Variants in DERPC observed in about 807,000 individuals in gnomAD.
DERPC encodes DERPC proline and glycine rich nuclear protein.
In DERPC, 1 loss-of-function variant was observed where a neutral mutation model predicts 7.2. The ratio of observed to expected loss-of-function variants is 0.14; its 90% confidence interval spans 0.05 to 0.66. The LOEUF (loss-of-function observed/expected upper bound fraction) is 0.66, where lower values mean the gene tolerates loss of function less well. Among genes scored for constraint, DERPC ranks in the 30% least tolerant of loss-of-function variants. The pLI is 0.84. For synonymous variants in DERPC, 185 were observed against 117.6 expected (o/e 1.57, Z -3.71); for missense variants, 502 against 299.4 (o/e 1.68, Z -4.99).
chr16:69,120,740 T>A lies in DERPC; in HGVS notation c.-221-91A>T. ...TAAAGCTGCTCTTGGCAGGCTATGC[T>A]GGCACCTCCAATCCCTGGTCTGGCT... On this transcript the variant is annotated intron_variant, in intron 2 of 2. Coordinates refer to ENST00000519520, the MANE Select transcript of DERPC (RefSeq NM_001002847.4). This position sits in a 1 kb window ranked among gnomAD's most constrained non-coding sequence, Gnocchi z 4.0. 2 of 1,108,754 alleles carry A rather than the reference T, an allele frequency of 1.8e-6. 1 individual carries two copies. The highest frequency in any genetic ancestry group is 2.9e-5 in the South Asian group (2 of 69,494). 68.7% of individuals were successfully genotyped at this position (1,108,754 alleles called of 1,614,324 possible).
chr16:69,132,253 C>A (rs1217346817), intron 1 of DERPC: 2 of 145,558 alleles, frequency 1.4e-5, no homozygotes, highest in African/African-American at 2.6e-5. Context: ...ACCCCGGAGG[C>A]CCCTCCGGGC....
At chr16:69,128,901 G>A (rs1267051311) in intron 1 of DERPC, among the ~76,000 whole-genome samples, 1 of 151,612 alleles carries the variant, frequency 6.6e-6, no homozygotes, top group Non-Finnish European at 1.5e-5. Flanking sequence ...CAGTTTCTAC[G>A]AAAAATACAA....
chr16:69,127,521 C>G (rs1029953238), intron 1 of DERPC, among the ~76,000 whole-genome samples: 8 of 150,840 alleles, frequency 5.3e-5, no homozygotes, highest in African/African-American at 2.0e-4. Flanking sequence ...TCAAGAGCAT[C>G]TGAAGGCACG....
At position 69,132,563 on chromosome 16, in the gene DERPC, C is replaced by T. The variant is rs1380863157; in HGVS notation, c.-359G>A. The T allele has an allele frequency of 2.6e-6, 1 of 384,808 alleles. No individual in the cohort carries two copies. Among genetic ancestry groups the T allele is most frequent in the Admixed American group, 3.3e-5 (1 of 30,286 alleles). 23.8% of individuals were successfully genotyped at this position (384,808 alleles called of 1,614,324 possible). On this transcript the variant is annotated 5_prime_UTR_variant, in exon 1 of 3. Transcript: ENST00000519520. ...CCTCCCGCCGCCGTCGCCGCCGCCG[C>T]GAGCACTGCCTGCGCACTTCCGACT...
chr16:69,119,477 C>A lies in DERPC; in HGVS notation c.952G>T (p.Gly318Cys). 1 of 703,008 alleles carries A rather than the reference C, an allele frequency of 1.4e-6. No homozygotes were observed. The highest frequency in any genetic ancestry group is 2.6e-6 in the Non-Finnish European group (1 of 385,022). The allele number at this position is 703,008 out of a possible 1,614,324, so 43.5% of individuals were successfully genotyped here. Residue 318 changes from glycine (G) to cysteine (C), a missense_variant, in exon 3 of 3, where the codon GGT becomes TGT. Coordinates refer to ENST00000519520, the MANE Select transcript of DERPC (RefSeq NM_001002847.4). ...RVPGPMGPNS[G>C]PSSRGIGLPG... Reference sequence around the variant, plus strand: ...AGGCCAATTCCCCGAGAGCTAGGACCCGAGTTTGGGCCCATGGGGCCAGGT... The same window carrying A: ...AGGCCAATTCCCCGAGAGCTAGGACACGAGTTTGGGCCCATGGGGCCAGGT...
chr16:69,121,096 C>T lies in DERPC; in HGVS notation c.-222+340G>A. ...GTCTCCCAGGAGGTTTCCAGCTAAT[C>T]CAGTGCTGTAGCGAGCCTCGATCTC... On this transcript the variant is annotated intron_variant, in intron 2 of 2. Coordinates refer to ENST00000519520, the MANE Select transcript of DERPC (RefSeq NM_001002847.4). 6.2e-7 allele frequency: 1 copy of T among 1,614,066 alleles called. No homozygotes were observed. Among genetic ancestry groups the T allele is most frequent in the African/African-American group, 1.3e-5 (1 of 75,038 alleles).
chr16:69,118,910 G>A lies in DERPC; in HGVS notation c.1519C>T (p.Pro507Ser). The A allele has an allele frequency of 1.4e-6, 1 of 703,150 alleles. No homozygotes were observed. The allele number at this position is 703,150 out of a possible 1,614,324, so 43.6% of individuals were successfully genotyped here. A position where few individuals can be genotyped will look rare whatever the true frequency, so the allele number is the denominator to read the frequency against. Reference protein sequence around the residue: ...SLPGTNPAAFPRPGGPMAAMY... With the variant: ...SLPGTNPAAFSRPGGPMAAMY... ...GCAGCCATTGGACCCCCTGGTCTGG[G>A]GAAAGCAGCTGGGTTTGTGCCAGGG... The change falls in exon 3 of 3, where the codon CCC becomes TCC. Residue 507 changes from proline to serine, a missense_variant. Transcript: ENST00000519520.
chr16:69,123,782 TTAGA>T (rs1303688079), intron 1 of DERPC, among the ~76,000 whole-genome samples: 1 of 152,044 alleles, frequency 6.6e-6, no homozygotes, highest in Non-Finnish European at 1.5e-5. Flanking sequence ...TGAAAATATC[TTAGA>T]TAATTAGATA....
chr16:69,127,755 G>A (rs986127955), intron 1 of DERPC, among the ~76,000 whole-genome samples: 9 of 148,474 alleles, frequency 6.1e-5, no homozygotes, highest in Admixed American at 2.0e-4. Context: ...GACTACAGGC[G>A]CCCGCCACCA....
chr16:69,118,754 C>T lies in DERPC; in HGVS notation c.*100G>A. ...TTTGAACTTGAGCCCAAGCTATGTT[C>T]TTCAGACTGTAGCTCCACAACTACC... On this transcript the variant is annotated 3_prime_UTR_variant, in exon 3 of 3. Transcript: ENST00000519520. The T allele has an allele frequency of 3.1e-6, 2 of 639,752 alleles. No individual in the cohort carries two copies. Among genetic ancestry groups the T allele is most frequent in the South Asian group, 3.6e-5 (2 of 55,038 alleles). The allele number at this position is 639,752 out of a possible 1,614,324, so 39.6% of individuals were successfully genotyped here. A position where few individuals can be genotyped will look rare whatever the true frequency, so the allele number is the denominator to read the frequency against.
chr16:69,128,548 CA>C (rs1962255545), intron 1 of DERPC, among the ~76,000 whole-genome samples: 1 of 152,108 alleles, frequency 6.6e-6, no homozygotes, highest in African/African-American at 2.4e-5. Context: ...ATGAACTAAA[CA>C]ATACATAAAT....
rs1961403926 is a variant in DERPC at position 69,119,089 on chromosome 16, C to T, written c.1340G>A (p.Gly447Glu). 5 of 703,032 alleles carry T rather than the reference C, an allele frequency of 7.1e-6. No individual in the cohort carries two copies. In the East Asian group the frequency reaches 1.3e-4, roughly 19 times the overall value. The allele number at this position is 703,032 out of a possible 1,614,324, so 43.5% of individuals were successfully genotyped here. Residue 447 changes from glycine (G) to glutamate (E), a missense_variant, in exon 3 of 3, where the codon GGG becomes GAG. Transcript: ENST00000519520. ...GQVTFPRPAA[G>E]HLGPSPAGPV... ...GCCAGCTGGAGAAGGGCCCAGATGC[C>T]CGGCAGCTGGCCTGGGGAAAGTAAC...
At position 69,119,998 on chromosome 16, in the gene DERPC, T is replaced by C. The variant is rs1244096298; in HGVS notation, c.431A>G (p.Asn144Ser). Residue 144 changes from asparagine to serine, a missense_variant, in exon 3 of 3, where the codon AAC (asparagine) becomes AGC (serine). Physicochemically the swap from Asn to Ser is conservative, Grantham distance 46 (BLOSUM62 1). Transcript: ENST00000519520. ...GALPGPGPLS[N>S]PRLGGLPGPG... ...TCCTGGGAGACCCCCTAACCTGGGG[T>C]TAGACAGAGGCCCTGGGCCTGGCAG... 7 of 694,976 alleles carry C rather than the reference T, an allele frequency of 1.0e-5. No homozygotes were observed. Among genetic ancestry groups the C allele is most frequent in the Admixed American group, 2.0e-5 (1 of 49,342 alleles). The allele number at this position is 694,976 out of a possible 1,614,324, so 43.1% of individuals were successfully genotyped here.
rs545181130 is a variant in DERPC, at chr16:69,127,973, G to A, written c.-280+4511C>T. On this transcript the variant is annotated intron_variant, in intron 1 of 2. Coordinates refer to ENST00000519520, the MANE Select transcript of DERPC (RefSeq NM_001002847.4). ...TCTGTCACTCAGGCTGGAGTGCAGT[G>A]GCGCAATCTCGGCTCACTGCAACCT... is the stretch of plus-strand genomic sequence containing the variant. 2.6e-5 allele frequency among the ~76,000 whole-genome samples: 4 copies of A among 151,780 alleles called. No individual in the cohort carries two copies. In the East Asian group the frequency reaches 7.8e-4, roughly 29 times the overall value.
chr16:69,126,101 TGTA>T (rs1276844820), intron 1 of DERPC, among the ~76,000 whole-genome samples: 18 of 152,256 alleles, frequency 1.2e-4, no homozygotes, highest in African/African-American at 3.6e-4. Context: ...TTGAAGATGA[TGTA>T]GTATATTTTC....
intron 1 of DERPC, among the ~76,000 whole-genome samples, chr16:69,129,947 T>C (rs1244367435): frequency 6.6e-6 from 1 of 152,206 alleles, no homozygotes; most frequent in Non-Finnish European, 1.5e-5. Context: ...TTTAGAAAAA[T>C]CTACTCAATG....
In DERPC at chr16:69,120,788, C is replaced by A; in HGVS notation, c.-221-139G>T. Reference sequence around the variant, plus strand: ...GCTCTGCCATTGTTGAGCAGCCACACTGGACCACCCACCCATGTGCCCTTT... The same window carrying A: ...GCTCTGCCATTGTTGAGCAGCCACAATGGACCACCCACCCATGTGCCCTTT... On this transcript the variant is annotated intron_variant, in intron 2 of 2. Transcript: ENST00000519520. This position sits in a 1 kb window ranked among gnomAD's most constrained non-coding sequence, Gnocchi z 4.0. 1 of 765,310 alleles carries A rather than the reference C, an allele frequency of 1.3e-6. No individual in the cohort carries two copies. The highest frequency in any genetic ancestry group is 2.2e-6 in the Non-Finnish European group (1 of 454,374). 47.4% of individuals were successfully genotyped at this position (765,310 alleles called of 1,614,324 possible). A position where few individuals can be genotyped will look rare whatever the true frequency, so the allele number is the denominator to read the frequency against.
chr16:69,121,222 T>C (rs1362170496), intron 2 of DERPC: 4 of 1,495,268 alleles, frequency 2.7e-6, no homozygotes, highest in Non-Finnish European at 3.7e-6. Flanking sequence ...GAAGGATGAA[T>C]AGTGTCCTCA....
Position 69,119,105 on chromosome 16 carries a change from G to C in DERPC, c.1324C>G (p.Pro442Ala), listed in dbSNP as rs1375228522. The change falls in exon 3 of 3, where the codon CCC (proline) becomes GCC (alanine). Residue 442 changes from proline (P) to alanine (A), a missense_variant. Coordinates refer to ENST00000519520, the MANE Select transcript of DERPC (RefSeq NM_001002847.4). ...CCCAGATGCCCGGCAGCTGGCCTGG[G>C]GAAAGTAACTTGACCAGGGCCTAAT... ...GPLGPGQVTF[P>A]RPAAGHLGPS... The C allele has an allele frequency of 7.1e-6, 5 of 703,086 alleles. No individual in the cohort carries two copies. Among genetic ancestry groups the C allele is most frequent in the Non-Finnish European group, 1.0e-5 (4 of 385,032 alleles). The allele number at this position is 703,086 out of a possible 1,614,324, so 43.6% of individuals were successfully genotyped here. A position where few individuals can be genotyped will look rare whatever the true frequency, so the allele number is the denominator to read the frequency against.
Sources: gnomAD v4.1 joint callset for allele counts (sites outside exome capture counted in the v4.1 genomes callset) on GRCh38, gnomAD v4.1.1 for gene constraint, Gnocchi (gnomAD v3.1) non-coding constraint, MANE v1.5 for transcripts, NCBI Gene and HGNC (gene_info 2026-07-23, HGNC 2026-07-21) for gene names.